PALLD: variants seen among roughly 807,000 people sequenced by gnomAD.
PALLD encodes the protein palladin.
Under a neutral mutation model 123.5 loss-of-function variants are expected in PALLD, and 61 were observed. That is an observed-to-expected ratio of 0.49 (90% CI 0.40 to 0.61). The LOEUF (loss-of-function observed/expected upper bound fraction) is 0.61. Among genes scored for constraint, PALLD ranks in the 20% least tolerant of loss-of-function variants. The probability of loss-of-function intolerance (pLI) is 0.00; values close to 1 mark genes in which losing one functional copy is unlikely to be tolerated. For missense variants in PALLD, 1,273 were observed against 1,377.0 expected (o/e 0.92, Z 1.20); for synonymous variants, 465 against 496.4 (o/e 0.94, Z 0.84).
intron 1 of PALLD, among the ~76,000 whole-genome samples, chr4:168,504,231 C>T (rs932375884): frequency 1.3e-5 from 2 of 152,094 alleles, no homozygotes; most frequent in African/African-American, 4.8e-5. Context: ...GTAAGATGGG[C>T]GAGGCCAAGG....
At chr4:168,625,500 G>GAGATAGATAGATAGAT (rs148655486) in intron 2 of PALLD, among the ~76,000 whole-genome samples, 40 of 35,172 alleles carry the variant, frequency 1.1e-3, no homozygotes, top group East Asian at 1.9e-3. Context: ...TAATATCCAG[G>GAGATAGATAGATAGAT]AGATATATAT....
At chr4:168,757,328 G>A (rs755810150) in intron 10 of PALLD, among the ~76,000 whole-genome samples, 7 of 152,176 alleles carry the variant, frequency 4.6e-5, no homozygotes, top group Non-Finnish European at 1.0e-4. Flanking sequence ...ACATCCTAGG[G>A]TGAGTGCCTG....
In PALLD at chr4:168,579,555, A is replaced by C. The variant is rs183406135; in HGVS notation, c.908+67143A>C. ...TATAATATCGGGTAGTTAAAGACGG[A>C]AAAGGTCTAGGTCAATGTTCTTAAA... On this transcript the variant is annotated intron_variant, in intron 2 of 21. Transcript: ENST00000505667. Among the ~76,000 whole-genome samples the C allele has an allele frequency of 1.4e-3, 212 of 152,268 alleles. 1 individual carries two copies. Among genetic ancestry groups the C allele is most frequent in the African/African-American group, 4.7e-3 (195 of 41,564 alleles).
chr4:168,839,252 T>C (rs1456727230), intron 10 of PALLD, among the ~76,000 whole-genome samples: 2 of 152,080 alleles, frequency 1.3e-5, no homozygotes, highest in Admixed American at 1.3e-4. Context: ...CGCGACTGGC[T>C]AAAAATTCTT....
At chr4:168,515,035 T>C (rs1440167481) in intron 2 of PALLD, among the ~76,000 whole-genome samples, 1 of 152,214 alleles carries the variant, frequency 6.6e-6, no homozygotes. Context: ...CTAGAATAAT[T>C]AAGTCTCATA....
chr4:168,533,137 G>T (rs1764756099), intron 2 of PALLD, among the ~76,000 whole-genome samples: 1 of 152,114 alleles, frequency 6.6e-6, no homozygotes, highest in African/African-American at 2.4e-5. Flanking sequence ...TCAAACCTTT[G>T]GGAGTTGAGG....
At chr4:168,622,288 C>T (rs567350473) in intron 2 of PALLD, among the ~76,000 whole-genome samples, 7 of 152,278 alleles carry the variant, frequency 4.6e-5, no homozygotes, top group Admixed American at 2.0e-4. Context: ...AACTCAATCC[C>T]GAATCACGAG....
rs1278753750 is a variant in PALLD at position 168,682,439 on chromosome 4, G to A, written c.1155-559G>A. ...TCACAGCCAGCTACTTGACAAAGCT[G>A]GGCCTAGAAATCAACTCTTCTTAAT... On this transcript the variant is annotated intron_variant, in intron 4 of 21. Transcript: ENST00000505667. 3.3e-5 allele frequency among the ~76,000 whole-genome samples: 5 copies of A among 152,210 alleles called. No homozygotes were observed. In the East Asian group the frequency reaches 9.7e-4, roughly 29 times the overall value.
intron 15 of PALLD, among the ~76,000 whole-genome samples, chr4:168,911,804 T>C (rs1223049379): frequency 1.3e-5 from 2 of 152,208 alleles, no homozygotes; most frequent in East Asian, 1.9e-4. Context: ...TTAGACTTCA[T>C]GTCTCCTTGG....
chr4:168,868,799 C>A (rs1750688678), intron 10 of PALLD, among the ~76,000 whole-genome samples: 1 of 152,146 alleles, frequency 6.6e-6, no homozygotes, highest in African/African-American at 2.4e-5. Flanking sequence ...AGGATACAGT[C>A]TATGTTTTGA....
chr4:168,765,338 G>T (rs1733516607), intron 10 of PALLD, among the ~76,000 whole-genome samples: 1 of 152,196 alleles, frequency 6.6e-6, no homozygotes. Flanking sequence ...TTGAGAGACA[G>T]AGAGCGTGGC....
At chr4:168,919,064 A>G (rs1438493512) in intron 17 of PALLD, among the ~76,000 whole-genome samples, 1 of 152,210 alleles carries the variant, frequency 6.6e-6, no homozygotes, top group Non-Finnish European at 1.5e-5. Flanking sequence ...CACTTACCAT[A>G]CTGGTTATCT....
At chr4:168,712,792 C>T (rs1052244528) in intron 10 of PALLD, among the ~76,000 whole-genome samples, 6 of 152,132 alleles carry the variant, frequency 3.9e-5, no homozygotes, top group Non-Finnish European at 7.4e-5. Context: ...CTTCTATTTA[C>T]CCATATCTGA....
chr4:168,821,784 G>T (rs1416703512), intron 10 of PALLD, among the ~76,000 whole-genome samples: 3 of 150,936 alleles, frequency 2.0e-5, no homozygotes, highest in African/African-American at 7.3e-5. Flanking sequence ...GAAGGCTGAG[G>T]CAGGAGAATC....
chr4:168,650,749 T>A (rs1000106104), intron 2 of PALLD, among the ~76,000 whole-genome samples: 1 of 152,194 alleles, frequency 6.6e-6, no homozygotes, highest in Non-Finnish European at 1.5e-5. Flanking sequence ...TCCTTTTAGA[T>A]GTTCACATAG....
chr4:168,653,176 A>G (rs1778217803), intron 2 of PALLD, among the ~76,000 whole-genome samples: 1 of 152,230 alleles, frequency 6.6e-6, no homozygotes, highest in Non-Finnish European at 1.5e-5. Context: ...AATTTTAGCC[A>G]TAAGAAACCT....
intron 10 of PALLD, among the ~76,000 whole-genome samples, chr4:168,728,639 T>A (rs1786831563): frequency 6.6e-6 from 1 of 152,220 alleles, no homozygotes; most frequent in Non-Finnish European, 1.5e-5. Context: ...TCGAATCATA[T>A]TATCAGTGAA....
chr4:168,887,124 AAAAAAAAAG>A (rs1208603657), intron 10 of PALLD, among the ~76,000 whole-genome samples: 2 of 149,126 alleles, frequency 1.3e-5, no homozygotes, highest in Admixed American at 6.7e-5. Flanking sequence ...CTCAAAAAAA[AAAAAAAAAG>A]AAAAAGAAAA....
intron 10 of PALLD, among the ~76,000 whole-genome samples, chr4:168,759,104 G>A (rs970046495): frequency 5.4e-5 from 8 of 147,804 alleles, no homozygotes; most frequent in African/African-American, 7.5e-5. Flanking sequence ...ACTTGAACCC[G>A]GGAGGCGGAG....
Sources: allele counts gnomAD v4.1 joint callset (sites outside exome capture counted in the v4.1 genomes callset), GRCh38; gene constraint gnomAD v4.1.1; transcripts MANE v1.5; gene names NCBI Gene and HGNC (gene_info 2026-07-23, HGNC 2026-07-21).